Variants in BDP1 observed in about 807,000 individuals in gnomAD.
The protein encoded by BDP1 is BDP1 general transcription factor IIIB subunit.
In BDP1, 169 loss-of-function variants were observed where a neutral mutation model predicts 266.6. That is an observed-to-expected ratio of 0.63 (90% CI 0.56 to 0.72). BDP1 has a LOEUF of 0.72. Ranked by LOEUF, BDP1 falls within the 30% of genes least tolerant of loss-of-function variation. BDP1 has a pLI of 0.00. For missense variants in BDP1, 3,015 were observed against 3,053.8 expected (o/e 0.99, Z 0.30); for synonymous variants, 1,090 against 1,022.4 (o/e 1.07, Z -1.26).
chr5:71,499,313 G>A (rs535402637), intron 13 of BDP1, among the ~76,000 whole-genome samples: 12 of 152,118 alleles, frequency 7.9e-5, no homozygotes, highest in African/African-American at 1.9e-4. Flanking sequence ...TTGAGCCACC[G>A]TGCCCTGCCA....
intron 20 of BDP1, 21 bp downstream of exon 20, chr5:71,515,143 A>T: frequency 6.5e-7 from 1 of 1,539,944 alleles, no homozygotes; most frequent in Non-Finnish European, 8.7e-7. Context: ...ATTTTCTTTG[A>T]CAATATAAAA....
intron 11 of BDP1, among the ~76,000 whole-genome samples, chr5:71,492,880 T>G (rs1383165173): frequency 6.6e-6 from 1 of 152,258 alleles, no homozygotes; most frequent in African/African-American, 2.4e-5. Flanking sequence ...TACATTGTTG[T>G]GCAGCCATCA....
At chr5:71,464,963 C>T (rs530921079) in intron 4 of BDP1, among the ~76,000 whole-genome samples, 74 of 151,652 alleles carry the variant, frequency 4.9e-4, no homozygotes, top group Admixed American at 9.9e-4. Flanking sequence ...GTGATCGGCC[C>T]GCCTCGGCCT....
intron 21 of BDP1, among the ~76,000 whole-genome samples, chr5:71,516,910 A>T (rs1765253669): frequency 6.6e-6 from 1 of 152,190 alleles, no homozygotes; most frequent in African/African-American, 2.4e-5. Context: ...AAAAAAATTA[A>T]ACTTTGTTTA....
In BDP1 at chr5:71,467,346, T is replaced by C; in HGVS notation, c.786-8T>C. The stretch of plus-strand genomic sequence containing the variant: ...GTATACATCTATTTAAAAATGTGTT[T>C]ATTTCAGTTTAACTGTAGAAGTTTT... On this transcript the variant is annotated splice_region_variant and splice_polypyrimidine_tract_variant and intron_variant, in intron 5 of 38. Coordinates refer to ENST00000358731, the MANE Select transcript of BDP1 (RefSeq NM_018429.3). The C allele has an allele frequency of 1.9e-6, 3 of 1,586,184 alleles. No individual in the cohort carries two copies. Among genetic ancestry groups the C allele is most frequent in the Non-Finnish European group, 2.6e-6 (3 of 1,161,422 alleles).
Position 71,501,619 on chromosome 5 carries a change from G to C in BDP1, c.2014G>C (p.Glu672Gln). Residue 672 changes from glutamate to glutamine, a missense_variant, in exon 14 of 39, where the codon GAG (glutamate) becomes CAG (glutamine). Glu to Gln is a conservative substitution (Grantham distance 29). Around this residue, in one of 3 missense-constraint regions of BDP1, gnomAD observed 2,383 missense variants for 2,404.9 expected, o/e 0.99. Coordinates refer to ENST00000358731, the MANE Select transcript of BDP1 (RefSeq NM_018429.3). Reference protein sequence around the residue: ...TLDILRMETTERENPEAETVS... With the variant: ...TLDILRMETTQRENPEAETVS... ...GGACATTTTGAGAATGGAGACTACAGAGAGAGAGAATCCAGAAGCTGAAAC... is the reference window on the plus strand; with the variant it reads ...GGACATTTTGAGAATGGAGACTACACAGAGAGAGAATCCAGAAGCTGAAAC... 6.3e-7 allele frequency: 1 copy of C among 1,583,020 alleles called. No individual in the cohort carries two copies.
chr5:71,569,924 G>A (rs1420547001), downstream of BDP1, among the ~76,000 whole-genome samples: 1 of 152,202 alleles, frequency 6.6e-6, no homozygotes, highest in Non-Finnish European at 1.5e-5. Context: ...CCAAGCTGGT[G>A]AATCAAATGG....
the BDP1 span, among the ~76,000 whole-genome samples, chr5:71,576,336 A>C: frequency 6.6e-6 from 1 of 152,206 alleles, no homozygotes; most frequent in Non-Finnish European, 1.5e-5. Context: ...TCTCAGAATA[A>C]TGTCATTAAT....
intron 10 of BDP1, among the ~76,000 whole-genome samples, chr5:71,490,154 A>G (rs1763502298): frequency 6.6e-6 from 1 of 152,104 alleles, no homozygotes; most frequent in South Asian, 2.1e-4. Flanking sequence ...CTTGGGGATG[A>G]GGGCTAAGAG....
intron 25 of BDP1, among the ~76,000 whole-genome samples, chr5:71,527,658 T>A (rs1193814286): frequency 6.6e-6 from 1 of 152,210 alleles, no homozygotes; most frequent in Non-Finnish European, 1.5e-5. Flanking sequence ...TGTTTATTCC[T>A]TTATCATCAA....
rs780473716 is a variant in BDP1 at position 71,541,537 on chromosome 5, G to A, written c.6106G>A (p.Val2036Ile). The A allele has an allele frequency of 6.2e-7, 1 of 1,606,722 alleles. No homozygotes were observed. Among genetic ancestry groups the A allele is most frequent in the South Asian group, 1.1e-5 (1 of 90,818 alleles). ...SSLDNVNHKIVHECQELSSPV... is the reference protein window; with the variant it reads ...SSLDNVNHKIIHECQELSSPV... ...CCTAGATAATGTAAATCACAAAATT[G>A]TTCATGAATGTCAGGAACTTTCTTC... Residue 2036 changes from valine (V) to isoleucine (I), a missense_variant, in exon 29 of 39, where the codon GTT (valine) becomes ATT (isoleucine). By Grantham distance (29) the Val-to-Ile change is conservative (BLOSUM62 3). This residue lies in a region of BDP1 where 2,383 missense variants were observed against 2,404.9 expected (regional missense o/e 0.99). Coordinates refer to ENST00000358731, the MANE Select transcript of BDP1 (RefSeq NM_018429.3).
chr5:71,552,668 A>G (rs1296800687), intron 34 of BDP1, among the ~76,000 whole-genome samples: 1 of 152,228 alleles, frequency 6.6e-6, no homozygotes, highest in Non-Finnish European at 1.5e-5. Context: ...AAAAATACGA[A>G]AACCAGTCAG....
At chr5:71,514,364 T>C (rs1440593441) in intron 19 of BDP1, among the ~76,000 whole-genome samples, 1 of 152,222 alleles carries the variant, frequency 6.6e-6, no homozygotes, top group Non-Finnish European at 1.5e-5. Flanking sequence ...AAATTTTAAT[T>C]TGGAAAAATA....
chr5:71,544,411 C>A lies in BDP1; in HGVS notation c.6467C>A (p.Pro2156Gln), dbSNP rs770493680. ...GAATTGGAAAATAAAAACCTCGGAC[C>A]AGTTACAACAGCAGAGAATAAGGAT... ...ATELENKNLG[P>Q]VTTAENKDQS... is the part of the protein sequence containing the mutation. Residue 2156 changes from proline to glutamine, a missense_variant, in exon 31 of 39, where the codon CCA becomes CAA. Physicochemically the swap from Pro to Gln is moderately conservative, Grantham distance 76. This residue lies in a region of BDP1 where 629 missense variants were observed against 632.5 expected (regional missense o/e 0.99). Coordinates refer to ENST00000358731, the MANE Select transcript of BDP1 (RefSeq NM_018429.3). 1.2e-6 allele frequency: 2 copies of A among 1,613,308 alleles called. No individual in the cohort carries two copies. The highest frequency in any genetic ancestry group is 2.2e-5 in the South Asian group (2 of 90,884).
chr5:71,522,405 A>G lies in BDP1; in HGVS notation c.5108A>G (p.Lys1703Arg). 6.2e-7 allele frequency: 1 copy of G among 1,614,050 alleles called. No individual in the cohort carries two copies. The highest frequency in any genetic ancestry group is 1.1e-5 in the South Asian group (1 of 91,064). ...AAGAAAGAGGAACCAGTTTTAGAAA[A>G]AGTCACAACAGATCAGAGCAAGGAA... ...HSKKEEPVLE[K>R]VTTDQSKEGK... is the part of the protein sequence containing the mutation. Residue 1703 changes from lysine (K) to arginine (R), a missense_variant, in exon 23 of 39, where the codon AAA becomes AGA. This residue lies in a region of BDP1 where 2,383 missense variants were observed against 2,404.9 expected (regional missense o/e 0.99). Transcript: ENST00000358731.
At chr5:71,544,794 C>T (rs541286214) in intron 31 of BDP1, among the ~76,000 whole-genome samples, 5 of 136,368 alleles carry the variant, frequency 3.7e-5, no homozygotes, top group Admixed American at 3.3e-4. Context: ...GCAGGAGAAT[C>T]GTGTGAACCT....
intron 8 of BDP1, among the ~76,000 whole-genome samples, chr5:71,484,837 T>C (rs146753378): frequency 1.6e-4 from 25 of 152,028 alleles, no homozygotes; most frequent in African/African-American, 6.0e-4. Flanking sequence ...GTGCTAATTT[T>C]AGAAAAAAAA....
At chr5:71,491,404 C>T (rs143287887) in intron 11 of BDP1, among the ~76,000 whole-genome samples, 14 of 150,794 alleles carry the variant, frequency 9.3e-5, no homozygotes, top group Non-Finnish European at 2.1e-4. Flanking sequence ...TTTTGGTTGG[C>T]GTTTGCATGG....
chr5:71,502,808 C>T lies in BDP1; in HGVS notation c.2241+17C>T, dbSNP rs1176076767. ...GATAGAGATGTAAGTACTCTGATTC[C>T]TCCTCACATTTTTGGTAAGCAAGTA... On this transcript the variant is annotated intron_variant, in intron 15 of 38. Transcript: ENST00000358731. The T allele has an allele frequency of 1.3e-6, 2 of 1,597,078 alleles. No individual in the cohort carries two copies. The highest frequency in any genetic ancestry group is 1.8e-5 in the Admixed American group (1 of 56,548).
Sources: gnomAD v4.1 joint callset for allele counts (sites outside exome capture counted in the v4.1 genomes callset) on GRCh38, gnomAD v4.1.1 for gene constraint, gnomAD v4.1.1 regional missense constraint, MANE v1.5 for transcripts, NCBI Gene and HGNC (gene_info 2026-07-23, HGNC 2026-07-21) for gene names.